Variants in PUDP observed in about 807,000 individuals in gnomAD.
PUDP encodes the protein pseudouridine 5'-phosphatase.
A neutral mutation model predicts 9.4 loss-of-function variants in PUDP; 8 were observed. The observed-to-expected ratio is 0.85, with a 90% CI of 0.50 to 1.53. PUDP has a LOEUF of 1.53. Among genes scored for constraint, PUDP ranks in the 40% most tolerant of loss-of-function variants. The pLI, the probability that PUDP is intolerant of heterozygous loss-of-function variation, is 0.00. For missense variants in PUDP, 188 were observed against 189.7 expected (o/e 0.99, Z 0.05); for synonymous variants, 99 against 80.7 (o/e 1.23, Z -1.22).
chrX:6,924,929 G>A (rs1038642631), intron 3 of PUDP, among the ~76,000 whole-genome samples: 4 of 112,279 alleles, frequency 3.6e-5, no homozygotes, highest in African/African-American at 1.3e-4. Flanking sequence ...GAATGCTCGT[G>A]GGAAGACGAG....
intron 3 of PUDP, among the ~76,000 whole-genome samples, chrX:6,967,045 G>A (rs1188334773): frequency 9.0e-6 from 1 of 111,598 alleles, no homozygotes; most frequent in Non-Finnish European, 1.9e-5. Flanking sequence ...TCTAGGGAGG[G>A]TATGTAGGGG....
intron 3 of PUDP, among the ~76,000 whole-genome samples, chrX:6,748,403 C>G (rs770459191): frequency 6.3e-5 from 7 of 111,847 alleles, no homozygotes; most frequent in Non-Finnish European, 1.3e-4. Context: ...TCAGTCAGAT[C>G]CAACGTACTC....
chrX:6,882,800 G>C lies in PUDP; in HGVS notation c.*247+94333C>G, dbSNP rs148925597. On this transcript the variant is annotated intron_variant and NMD_transcript_variant, in intron 3 of 3. Coordinates refer to the PUDP transcript ENST00000655425. Reference sequence around the variant, plus strand: ...GAAGCAGAAGGAGCAGCCGGGGCAAGAGTCCTGCAGCGGCACTGAGGCTGG... The same window carrying C: ...GAAGCAGAAGGAGCAGCCGGGGCAACAGTCCTGCAGCGGCACTGAGGCTGG... 5.7e-3 allele frequency among the ~76,000 whole-genome samples: 639 copies of C among 111,507 alleles called. 4 individuals carry two copies. The highest frequency in any genetic ancestry group is 0.019 in the African/African-American group (576 of 30,696).
chrX:6,970,961 G>A (rs777817182), intron 3 of PUDP, among the ~76,000 whole-genome samples: 2 of 111,052 alleles, frequency 1.8e-5, no homozygotes, highest in African/African-American at 3.3e-5. Flanking sequence ...TGAGGTAGGA[G>A]AATCGCTTGA....
chrX:7,114,780 C>G (rs1291298800), intron 1 of PUDP, among the ~76,000 whole-genome samples: 1 of 112,324 alleles, frequency 8.9e-6, no homozygotes, highest in Non-Finnish European at 1.9e-5. Context: ...TCAATCTTAA[C>G]TAAGAAGTGC....
intron 3 of PUDP, among the ~76,000 whole-genome samples, chrX:6,906,036 C>A (rs1927761440): frequency 8.9e-6 from 1 of 111,817 alleles, no homozygotes; most frequent in Non-Finnish European, 1.9e-5. Context: ...TGCCTAAAAC[C>A]TTTTCATCAA....
intron 3 of PUDP, among the ~76,000 whole-genome samples, chrX:6,821,280 G>A (rs1926338051): frequency 8.9e-6 from 1 of 111,732 alleles, no homozygotes; most frequent in South Asian, 3.8e-4. Flanking sequence ...GACAGGAACA[G>A]GAGAGACACC....
chrX:7,146,177 C>G (rs1365620578), intron 1 of PUDP, among the ~76,000 whole-genome samples: 1 of 111,568 alleles, frequency 9.0e-6, no homozygotes, highest in Non-Finnish European at 1.9e-5. Context: ...CCAAATAGCA[C>G]TAATTCTTGG....
chrX:6,749,043 C>T (rs1016217297), intron 3 of PUDP, among the ~76,000 whole-genome samples: 1 of 111,720 alleles, frequency 9.0e-6, no homozygotes, highest in East Asian at 2.8e-4. Flanking sequence ...ATCCTATGCA[C>T]CCCAGAGGCG....
intron 3 of PUDP, among the ~76,000 whole-genome samples, chrX:6,914,938 T>C (rs1417880547): frequency 1.8e-5 from 2 of 112,538 alleles, no homozygotes; most frequent in Admixed American, 9.4e-5. Flanking sequence ...ATTCAAAAAT[T>C]GTTAACATAC....
chrX:6,833,647 A>G (rs116714262), intron 3 of PUDP, among the ~76,000 whole-genome samples: 2,377 of 112,121 alleles, frequency 0.021, 67 homozygotes, highest in African/African-American at 0.071. Context: ...AAATAGATAC[A>G]TGGATAGTCT....
intron 1 of PUDP, among the ~76,000 whole-genome samples, chrX:7,125,042 CATAAAA>C (rs1408333133): frequency 9.3e-6 from 1 of 108,026 alleles, no homozygotes; most frequent in African/African-American, 3.4e-5. Flanking sequence ...ATAAAAAAAA[CATAAAA>C]ATAAACTTTT....
intron 1 of PUDP, among the ~76,000 whole-genome samples, chrX:7,017,358 C>G (rs1207889656): frequency 8.9e-6 from 1 of 111,827 alleles, no homozygotes; most frequent in African/African-American, 3.3e-5. Flanking sequence ...CTGTGTATTT[C>G]ACAGCCCATG....
chrX:6,885,202 T>C (rs1927404385), intron 3 of PUDP, among the ~76,000 whole-genome samples: 1 of 111,829 alleles, frequency 8.9e-6, no homozygotes, highest in African/African-American at 3.2e-5. Flanking sequence ...AATATTTGAG[T>C]ATCTTTAAAC....
chrX:6,771,710 T>G (rs993286279), intron 3 of PUDP, among the ~76,000 whole-genome samples: 3 of 112,458 alleles, frequency 2.7e-5, no homozygotes, highest in Admixed American at 9.4e-5. Flanking sequence ...TGTACATAAA[T>G]GACTTAATAC....
At chrX:7,136,022 T>C (rs1296499901) in intron 1 of PUDP, among the ~76,000 whole-genome samples, 1 of 111,628 alleles carries the variant, frequency 9.0e-6, no homozygotes, top group Non-Finnish European at 1.9e-5. Context: ...TTTTCCCCAA[T>C]CTAAGGTCCA....
At chrX:6,909,394 C>T (rs1223225883) in intron 3 of PUDP, among the ~76,000 whole-genome samples, 6 of 111,898 alleles carry the variant, frequency 5.4e-5, no homozygotes, top group African/African-American at 2.0e-4. Context: ...AGCCATCGCC[C>T]AAGATCACTA....
At chrX:6,866,366 C>A (rs1177216668) in intron 3 of PUDP, among the ~76,000 whole-genome samples, 1 of 109,351 alleles carries the variant, frequency 9.1e-6, no homozygotes, top group African/African-American at 3.3e-5. Flanking sequence ...ATTCCCAAAA[C>A]TTGTTTTTTA....
At chrX:7,079,435 A>G (rs1931015403) in intron 2 of PUDP, among the ~76,000 whole-genome samples, 1 of 112,607 alleles carries the variant, frequency 8.9e-6, no homozygotes, top group Non-Finnish European at 1.9e-5. Context: ...GTAAGGACAC[A>G]GCAGACTTCA....
Sources: gnomAD v4.1 joint callset for allele counts (sites outside exome capture counted in the v4.1 genomes callset) on GRCh38, gnomAD v4.1.1 for gene constraint, MANE v1.5 for transcripts, NCBI Gene and HGNC (gene_info 2026-07-23, HGNC 2026-07-21) for gene names.